NEDD4L: variants seen among roughly 807,000 people sequenced by gnomAD.
The protein encoded by NEDD4L is NEDD4 like E3 ubiquitin protein ligase.
In NEDD4L, 54 loss-of-function variants were observed where a neutral mutation model predicts 148.9. That is an observed-to-expected ratio of 0.36 (90% CI 0.29 to 0.45). The LOEUF (loss-of-function observed/expected upper bound fraction) is 0.45, where lower values mean the gene tolerates loss of function less well. NEDD4L is among the 20% of genes least tolerant of loss of function. NEDD4L has a pLI of 1.00. For missense variants in NEDD4L, 856 were observed against 1,233.8 expected, an observed-to-expected ratio of 0.69 and a Z score of 4.59; for synonymous variants, 433 against 440.7, an observed-to-expected ratio of 0.98 and a Z score of 0.22.
intron 2 of NEDD4L, among the ~76,000 whole-genome samples, chr18:58,239,018 G>A (rs1310998787): frequency 2.6e-5 from 4 of 152,168 alleles, no homozygotes; most frequent in Admixed American, 2.6e-4. Flanking sequence ...AAATTATTAT[G>A]TAACACTTGA....
intron 2 of NEDD4L, among the ~76,000 whole-genome samples, chr18:58,177,339 A>G (rs1245526533): frequency 6.6e-6 from 1 of 152,206 alleles, no homozygotes; most frequent in Non-Finnish European, 1.5e-5. Context: ...GATGAGTCAG[A>G]AATGAAAGCA....
At chr18:58,180,925 G>T (rs1053085262) in intron 2 of NEDD4L, among the ~76,000 whole-genome samples, 16 of 152,126 alleles carry the variant, frequency 1.1e-4, no homozygotes, top group African/African-American at 2.4e-4. Flanking sequence ...GTATTGGGGG[G>T]GTTACAGCAC....
intron 2 of NEDD4L, among the ~76,000 whole-genome samples, chr18:58,186,041 G>A (rs189709962): frequency 2.6e-5 from 4 of 151,486 alleles, no homozygotes; most frequent in Non-Finnish European, 4.4e-5. Flanking sequence ...AGAAGGATAC[G>A]TATGCACACG....
intron 5 of NEDD4L, among the ~76,000 whole-genome samples, chr18:58,260,022 C>T (rs188350298): frequency 6.6e-6 from 1 of 152,202 alleles, no homozygotes; most frequent in Admixed American, 6.5e-5. Context: ...CTAAAAATAA[C>T]TCGAGTATCC....
At chr18:58,099,952 T>C (rs2084652070) in intron 1 of NEDD4L, among the ~76,000 whole-genome samples, 1 of 151,628 alleles carries the variant, frequency 6.6e-6, no homozygotes, top group African/African-American at 2.4e-5. Context: ...AGATAGCTAA[T>C]AATCAAAGTG....
At chr18:58,067,128 C>G (rs1029693858) in intron 1 of NEDD4L, among the ~76,000 whole-genome samples, 1 of 152,150 alleles carries the variant, frequency 6.6e-6, no homozygotes, top group African/African-American at 2.4e-5. Flanking sequence ...GAAAGATCAA[C>G]AGCAGAAGAA....
intron 5 of NEDD4L, among the ~76,000 whole-genome samples, chr18:58,262,592 G>A (rs1195164841): frequency 6.7e-6 from 1 of 149,836 alleles, no homozygotes; most frequent in Non-Finnish European, 1.5e-5. Flanking sequence ...TCGTGCCACT[G>A]CACTCCAGCC....
chr18:58,123,805 C>T (rs1257486849), intron 1 of NEDD4L, among the ~76,000 whole-genome samples: 2 of 152,166 alleles, frequency 1.3e-5, no homozygotes, highest in African/African-American at 4.8e-5. Context: ...CTCGCCTCCA[C>T]CTTTCCACCT....
intron 2 of NEDD4L, among the ~76,000 whole-genome samples, chr18:58,202,818 A>C (rs2041565884): frequency 6.6e-6 from 1 of 152,010 alleles, no homozygotes; most frequent in Non-Finnish European, 1.5e-5. Flanking sequence ...TTATTTTCTC[A>C]TCATTGTTGT....
chr18:58,357,331 C>T lies in NEDD4L; in HGVS notation c.1767+79C>T, dbSNP rs577937547. Reference sequence around the variant, plus strand: ...CGTGTTTCTTGTGTATTACTGATAACGGTGATGTCAAGGGACAACGGTGAT... The same window carrying T: ...CGTGTTTCTTGTGTATTACTGATAATGGTGATGTCAAGGGACAACGGTGAT... On this transcript the variant is annotated intron_variant, in intron 19 of 30. Coordinates refer to ENST00000400345, the MANE Select transcript of NEDD4L (RefSeq NM_001144967.3). 6 of 1,212,092 alleles carry T rather than the reference C, an allele frequency of 5.0e-6. No homozygotes were observed. In the East Asian group the frequency reaches 7.0e-5, roughly 14 times the overall value. 75.1% of individuals were successfully genotyped at this position (1,212,092 alleles called of 1,614,324 possible). A position where few individuals can be genotyped will look rare whatever the true frequency, so the allele number is the denominator to read the frequency against.
At chr18:58,148,793 A>G (rs951717302) in intron 1 of NEDD4L, among the ~76,000 whole-genome samples, 2 of 152,230 alleles carry the variant, frequency 1.3e-5, no homozygotes, top group African/African-American at 2.4e-5. Flanking sequence ...ACTTCTACCC[A>G]TAACACCAAT....
At chr18:58,106,033 T>C (rs575428485) in intron 1 of NEDD4L, among the ~76,000 whole-genome samples, 3 of 152,354 alleles carry the variant, frequency 2.0e-5, no homozygotes, top group Admixed American at 2.0e-4. Flanking sequence ...GAATGGCCAT[T>C]TGGCCCTGTA....
chr18:58,160,755 C>G (rs2036099576), intron 1 of NEDD4L, among the ~76,000 whole-genome samples: 1 of 152,188 alleles, frequency 6.6e-6, no homozygotes, highest in South Asian at 2.1e-4. Context: ...TGTGTTTAAG[C>G]TTGTCATTTT....
At position 58,264,068 on chromosome 18, in the gene NEDD4L, T is replaced by C. The variant is rs563780729; in HGVS notation, c.297+12014T>C. ...CTTTTCCACTTGAATAAAAGAGATA[T>C]TAAGTTGTAATAAAACTTTAAATAT... On this transcript the variant is annotated intron_variant, in intron 5 of 30. Transcript: ENST00000400345. Among the ~76,000 whole-genome samples, 89 of 152,248 alleles carry C rather than the reference T, an allele frequency of 5.8e-4. 3 individuals carry two copies. In the Middle Eastern group the frequency reaches 0.014, roughly 23 times the overall value.
chr18:58,143,239 A>G (rs1051067126), intron 1 of NEDD4L, among the ~76,000 whole-genome samples: 6 of 152,346 alleles, frequency 3.9e-5, no homozygotes, highest in African/African-American at 9.6e-5. Flanking sequence ...AGGGAAACTG[A>G]GGCTTAATAA....
intron 2 of NEDD4L, chr18:58,190,002 C>T (rs1324160575): frequency 6.6e-6 from 1 of 152,108 alleles, no homozygotes; most frequent in East Asian, 1.9e-4. Flanking sequence ...ACCAAGTATT[C>T]CAAATCGTTT....
At chr18:58,339,543 G>A (rs1247369937) in intron 13 of NEDD4L, among the ~76,000 whole-genome samples, 2 of 152,140 alleles carry the variant, frequency 1.3e-5, no homozygotes, top group East Asian at 3.8e-4. Flanking sequence ...TCCATGATCC[G>A]AGTCTTTGTG....
At chr18:58,247,256 G>A (rs1444810978) in intron 3 of NEDD4L, 3 of 152,146 alleles carry the variant, frequency 2.0e-5, no homozygotes, top group African/African-American at 7.2e-5. Context: ...TTTGTGTAAG[G>A]AACCGTAACT....
chr18:58,084,343 A>G (rs1229309838), intron 1 of NEDD4L, among the ~76,000 whole-genome samples: 1 of 152,106 alleles, frequency 6.6e-6, no homozygotes, highest in East Asian at 1.9e-4. Flanking sequence ...TGCTTGTACG[A>G]CTCTGTGGAT....
Sources: allele counts gnomAD v4.1 joint callset (sites outside exome capture counted in the v4.1 genomes callset), GRCh38; gene constraint gnomAD v4.1.1; transcripts MANE v1.5; gene names NCBI Gene and HGNC (gene_info 2026-07-23, HGNC 2026-07-21).